The following EMX1 variants were observed in gnomAD, a reference collection of about 807,000 sequenced individuals.
EMX1 encodes homeobox protein EMX1.
In EMX1, 10 loss-of-function variants were observed where a neutral mutation model predicts 20.1. The observed-to-expected ratio is 0.50, with a 90% CI of 0.31 to 0.84. The LOEUF is 0.84. Among genes scored for constraint, EMX1 ranks in the 40% least tolerant of loss-of-function variants. The pLI, the probability that EMX1 is intolerant of heterozygous loss-of-function variation, is 0.05. For synonymous variants in EMX1, 250 were observed against 200.4 expected (o/e 1.25, Z -2.09); for missense variants, 424 against 431.9 (o/e 0.98, Z 0.16).
Position 72,917,782 on chromosome 2 carries a change from C to T in EMX1, c.-71C>T. ...CGCTCACACACCCCTCGCCGCTCCG[C>T]GCCTGGCTCGCCCGCGGGGGCCGAG... On this transcript the variant is annotated 5_prime_UTR_variant, in exon 1 of 3. Transcript: ENST00000258106. 8.0e-7 allele frequency: 1 copy of T among 1,244,196 alleles called. No individual in the cohort carries two copies. The highest frequency in any genetic ancestry group is 1.0e-6 in the Non-Finnish European group (1 of 993,152). The allele number at this position is 1,244,196 out of a possible 1,614,324, so 77.1% of individuals were successfully genotyped here.
Position 72,917,670 on chromosome 2 carries a change from G to C in EMX1, c.-183G>C. 1 of 354,180 alleles carries C rather than the reference G, an allele frequency of 2.8e-6. No homozygotes were observed. The highest frequency in any genetic ancestry group is 4.5e-6 in the Non-Finnish European group (1 of 223,116). 21.9% of individuals were successfully genotyped at this position (354,180 alleles called of 1,614,324 possible). A position where few individuals can be genotyped will look rare whatever the true frequency, so the allele number is the denominator to read the frequency against. On this transcript the variant is annotated 5_prime_UTR_variant, in exon 1 of 3. Coordinates refer to ENST00000258106, the MANE Select transcript of EMX1 (RefSeq NM_004097.3). ...CAGCTCGCAGCCTAGCACGGAGCCCGCGCCTGTGCGGGCGCCTGGAGCTGC... is the reference window on the plus strand; with the variant it reads ...CAGCTCGCAGCCTAGCACGGAGCCCCCGCCTGTGCGGGCGCCTGGAGCTGC...
Position 72,918,026 on chromosome 2 carries a change from C to T in EMX1, c.174C>T (p.Gly58=), listed in dbSNP as rs975065283. The T allele has an allele frequency of 1.4e-6, 2 of 1,426,816 alleles. No individual in the cohort carries two copies. Among genetic ancestry groups the T allele is most frequent in the Non-Finnish European group, 9.1e-7 (1 of 1,099,598 alleles). The allele number at this position is 1,426,816 out of a possible 1,614,324, so 88.4% of individuals were successfully genotyped here. A position where few individuals can be genotyped will look rare whatever the true frequency, so the allele number is the denominator to read the frequency against. ...LVAKDGGTGG[G]TGGGGAGSHL... is the part of the protein sequence containing the mutation. ...CCAAGGACGGCGGCACCGGCGGGGG[C>T]ACTGGCGGCGGGGGCGCGGGCTCCC... The change falls in exon 1 of 3, where the codon GGC becomes GGT. Residue 58 remains glycine (G), a synonymous_variant. Transcript: ENST00000258106.
At chr2:72,921,944 T>C (rs1671110933) in intron 1 of EMX1, among the ~76,000 whole-genome samples, 1 of 152,234 alleles carries the variant, frequency 6.6e-6, no homozygotes, top group East Asian at 1.9e-4. Flanking sequence ...CACAGGTGAC[T>C]GACATATACC....
chr2:72,919,340 A>T (rs1184335481), intron 1 of EMX1, among the ~76,000 whole-genome samples: 3 of 151,916 alleles, frequency 2.0e-5, no homozygotes, highest in Non-Finnish European at 2.9e-5. Context: ...TATTTTAAAG[A>T]GTGGCCTTGA....
At chr2:72,931,068 C>T (rs1051921613) in intron 2 of EMX1, among the ~76,000 whole-genome samples, 9 of 152,222 alleles carry the variant, frequency 5.9e-5, no homozygotes, top group Admixed American at 1.3e-4. Flanking sequence ...CAAGGCTGTT[C>T]TCCGGAAGAT....
chr2:72,922,552 C>G (rs1013522759), intron 1 of EMX1, among the ~76,000 whole-genome samples: 4 of 152,324 alleles, frequency 2.6e-5, no homozygotes, highest in African/African-American at 9.6e-5. Flanking sequence ...TGCACAGATC[C>G]AACCAGTTGA....
chr2:72,923,337 ATATATC>A (rs1044466900), intron 1 of EMX1: 3 of 152,238 alleles, frequency 2.0e-5, no homozygotes, highest in African/African-American at 7.2e-5. Flanking sequence ...GCAGAAACCA[ATATATC>A]TATATCTATA....
At chr2:72,923,453 C>G (rs1381245188) in intron 1 of EMX1, 2 of 152,158 alleles carry the variant, frequency 1.3e-5, no homozygotes, top group African/African-American at 4.8e-5. Context: ...TCCCACCAGA[C>G]AGTACTTGGA....
chr2:72,917,372 GA>G, upstream of EMX1: 1 of 305,052 alleles, frequency 3.3e-6, no homozygotes, highest in Non-Finnish European at 6.0e-6. Context: ...AGGAGGCCTG[GA>G]TCTCCCCGCG....
rs571811599 is a variant in EMX1, at chr2:72,934,095, C to T, written c.*141C>T. 28 of 1,193,356 alleles carry T rather than the reference C, an allele frequency of 2.3e-5. No homozygotes were observed. Among genetic ancestry groups the T allele is most frequent in the South Asian group, 1.6e-4 (10 of 62,462 alleles). The allele number at this position is 1,193,356 out of a possible 1,614,324, so 73.9% of individuals were successfully genotyped here. On this transcript the variant is annotated 3_prime_UTR_variant, in exon 3 of 3. Coordinates refer to ENST00000258106, the MANE Select transcript of EMX1 (RefSeq NM_004097.3). ...TCATGGCCCCACAGGGCTTGAAGCC[C>T]GGGGCCGCCATTGACAGAGGGACAA...
In EMX1 at chr2:72,918,319, T is replaced by C; in HGVS notation, c.467T>C (p.Leu156Pro). The C allele has an allele frequency of 6.4e-7, 1 of 1,565,176 alleles. No individual in the cohort carries two copies. The highest frequency in any genetic ancestry group is 8.6e-7 in the Non-Finnish European group (1 of 1,166,822). ...TTCGGCGCCCAGCACCGGGACCCTC[T>C]CCATTTCTACCCCTGGGTCCTGCGG... Reference protein sequence around the residue: ...SFFGAQHRDPLHFYPWVLRNR... With the variant: ...SFFGAQHRDPPHFYPWVLRNR... Residue 156 changes from leucine to proline, a missense_variant, in exon 1 of 3, where the codon CTC becomes CCC. Around this residue, in one of 2 missense-constraint regions of EMX1, gnomAD observed 333 missense variants for 296.6 expected, o/e 1.12. Coordinates refer to ENST00000258106, the MANE Select transcript of EMX1 (RefSeq NM_004097.3).
Position 72,917,848 on chromosome 2 carries a change from T to C in EMX1, c.-5T>C. On this transcript the variant is annotated 5_prime_UTR_variant, in exon 1 of 3. Coordinates refer to ENST00000258106, the MANE Select transcript of EMX1 (RefSeq NM_004097.3). ...GGGGGAGGTGAGGGGTGCGGGCGGG[T>C]GTGCATGTGCCTGGCTGGGTGCACA... The C allele has an allele frequency of 7.0e-7, 1 of 1,429,950 alleles. No homozygotes were observed. Among genetic ancestry groups the C allele is most frequent in the South Asian group, 1.4e-5 (1 of 70,952 alleles). 88.6% of individuals were successfully genotyped at this position (1,429,950 alleles called of 1,614,324 possible).
chr2:72,919,204 C>CACACACAT (rs1671056926), intron 1 of EMX1, among the ~76,000 whole-genome samples: 1 of 152,168 alleles, frequency 6.6e-6, no homozygotes, highest in African/African-American at 2.4e-5. Flanking sequence ...CACACACACA[C>CACACACAT]ACACACACAC....
intron 1 of EMX1, among the ~76,000 whole-genome samples, chr2:72,919,433 CAG>C (rs1373161804): frequency 6.6e-6 from 1 of 152,028 alleles, no homozygotes; most frequent in Non-Finnish European, 1.5e-5. Context: ...GTCTATGGCT[CAG>C]AGCTAGGTAA....
intron 1 of EMX1, 39 bp from the exon 2 acceptor site, chr2:72,924,270 C>T: frequency 6.5e-7 from 1 of 1,548,244 alleles, no homozygotes; most frequent in South Asian, 1.2e-5. Flanking sequence ...TTCTCTCTGT[C>T]TGTACCTGCG....
At chr2:72,923,052 G>A (rs1671130157) in intron 1 of EMX1, among the ~76,000 whole-genome samples, 1 of 152,160 alleles carries the variant, frequency 6.6e-6, no homozygotes, top group Admixed American at 6.5e-5. Context: ...CTGTTAGCAT[G>A]TGCAACCAAG....
intron 2 of EMX1, among the ~76,000 whole-genome samples, chr2:72,929,611 C>A (rs1012942034): frequency 6.6e-6 from 1 of 152,150 alleles, no homozygotes; most frequent in Non-Finnish European, 1.5e-5. Context: ...AGACAGGACA[C>A]GTATTCACCT....
At chr2:72,932,365 G>T (rs1671299936) in intron 2 of EMX1, among the ~76,000 whole-genome samples, 1 of 152,196 alleles carries the variant, frequency 6.6e-6, no homozygotes, top group African/African-American at 2.4e-5. Flanking sequence ...AGCTGCAAGT[G>T]TCCCCAGAAC....
chr2:72,920,514 C>T (rs1234260276), intron 1 of EMX1, among the ~76,000 whole-genome samples: 1 of 152,206 alleles, frequency 6.6e-6, no homozygotes, highest in African/African-American at 2.4e-5. Flanking sequence ...CCCTCCAGTC[C>T]CGGCCAGGCC....
Sources: allele counts gnomAD v4.1 joint callset (sites outside exome capture counted in the v4.1 genomes callset), GRCh38; gene constraint gnomAD v4.1.1; regional missense constraint gnomAD v4.1.1; transcripts MANE v1.5; gene names NCBI Gene and HGNC (gene_info 2026-07-23, HGNC 2026-07-21).